The following PCNX2 variants were observed in gnomAD, a reference collection of about 807,000 sequenced individuals.
PCNX2 encodes pecanex 2.
In PCNX2, 168 loss-of-function variants were observed where a neutral mutation model predicts 223.8. The ratio of observed to expected loss-of-function variants is 0.75; its 90% CI spans 0.66 to 0.85. The LOEUF is 0.85. Among genes scored for constraint, PCNX2 ranks in the 40% least tolerant of loss-of-function variants. The pLI is 0.00. For synonymous variants in PCNX2, 1,006 were observed against 1,052.6 expected, an observed-to-expected ratio of 0.96 and a Z score of 0.86; for missense variants, 2,507 against 2,675.5, an observed-to-expected ratio of 0.94 and a Z score of 1.39.
At chr1:233,035,666 G>C (rs1671430026) in intron 25 of PCNX2, among the ~76,000 whole-genome samples, 1 of 152,180 alleles carries the variant, frequency 6.6e-6, no homozygotes, top group East Asian at 1.9e-4. Flanking sequence ...GGACTTATAG[G>C]CACAAACGTT....
Position 233,261,285 on chromosome 1 carries a change from C to G in PCNX2, c.517G>C (p.Gly173Arg). 6.2e-7 allele frequency: 1 copy of G among 1,608,996 alleles called. No homozygotes were observed. The highest frequency in any genetic ancestry group is 8.5e-7 in the Non-Finnish European group (1 of 1,175,808). Residue 173 changes from glycine to arginine, a missense_variant and splice_region_variant, in exon 4 of 34, where the codon GGT becomes CGT. By Grantham distance (125) the Gly-to-Arg change is moderately radical. Coordinates refer to ENST00000258229, the MANE Select transcript of PCNX2 (RefSeq NM_014801.4). Reference sequence around the variant, plus strand: ...AAAATATAAATGATTAACAGTTTACCTTTGAGATCTTCTACAGTTTCCTGT... The same window carrying G: ...AAAATATAAATGATTAACAGTTTACGTTTGAGATCTTCTACAGTTTCCTGT... ...SAQETVEDLK[G>R]VILLEDHPIA...
intron 32 of PCNX2, among the ~76,000 whole-genome samples, chr1:232,992,721 G>T (rs966775520): frequency 6.6e-6 from 1 of 152,194 alleles, no homozygotes; most frequent in East Asian, 1.9e-4. Flanking sequence ...ATCTTGAATT[G>T]TAATCCCCAT....
chr1:233,201,425 G>C (rs1681110398), intron 13 of PCNX2: 1 of 152,096 alleles, frequency 6.6e-6, no homozygotes, highest in South Asian at 2.1e-4. Flanking sequence ...TTCTTTTTCA[G>C]TTTCTATCAA....
At chr1:232,997,810 G>A (rs1669926164) in intron 32 of PCNX2, among the ~76,000 whole-genome samples, 1 of 152,176 alleles carries the variant, frequency 6.6e-6, no homozygotes, top group African/African-American at 2.4e-5. Flanking sequence ...AAGTCTAAGT[G>A]GAGGAAGGTG....
intron 15 of PCNX2, among the ~76,000 whole-genome samples, chr1:233,192,276 G>C (rs1379284254): frequency 6.6e-6 from 1 of 152,180 alleles, no homozygotes; most frequent in Non-Finnish European, 1.5e-5. Context: ...GTGAGTTTGC[G>C]GTAGCTGTGA....
chr1:233,200,323 T>G, intron 13 of PCNX2, 59 bp from the exon 14 acceptor site: 1 of 1,182,978 alleles, frequency 8.5e-7, no homozygotes, highest in South Asian at 1.4e-5. Context: ...CCAAGGCTCC[T>G]GCTGCAGTGC....
intron 10 of PCNX2, among the ~76,000 whole-genome samples, chr1:233,220,627 G>T (rs1657312441): frequency 6.6e-6 from 1 of 152,024 alleles, no homozygotes; most frequent in African/African-American, 2.4e-5. Flanking sequence ...TTTTCGGGTT[G>T]TTCCTTTTTC....
At chr1:233,285,302 C>T (rs1348547011) in intron 1 of PCNX2, among the ~76,000 whole-genome samples, 1 of 150,818 alleles carries the variant, frequency 6.6e-6, no homozygotes, top group African/African-American at 2.4e-5. Context: ...CAGTGAGTTA[C>T]AATTACGCCA....
At chr1:233,280,478 A>G (rs1477397046) in intron 1 of PCNX2, among the ~76,000 whole-genome samples, 2 of 151,858 alleles carry the variant, frequency 1.3e-5, no homozygotes, top group African/African-American at 4.8e-5. Flanking sequence ...TTGTTTTTTT[A>G]GTAAAGACGA....
At position 232,986,220 on chromosome 1, in the gene PCNX2, A is replaced by G; in HGVS notation, c.6112T>C (p.Phe2038Leu). The G allele has an allele frequency of 1.3e-6, 2 of 1,559,474 alleles. No individual in the cohort carries two copies. Among genetic ancestry groups the G allele is most frequent in the Non-Finnish European group, 1.7e-6 (2 of 1,151,376 alleles). ...CCGGAAATGACGAGCGCGCTGGAAA[A>G]GCTCCTCTTGCCGAAGAGGAAGCTC... ...TLSFLFGKRS[F>L]SSALVISGLS... The change falls in exon 33 of 34, where the codon TTT (phenylalanine) becomes CTT (leucine). Residue 2038 changes from phenylalanine (F) to leucine (L), a missense_variant. Phe to Leu is a conservative substitution (Grantham distance 22). Coordinates refer to ENST00000258229, the MANE Select transcript of PCNX2 (RefSeq NM_014801.4).
At chr1:233,266,648 A>C (rs1242769763) in intron 1 of PCNX2, among the ~76,000 whole-genome samples, 2 of 152,076 alleles carry the variant, frequency 1.3e-5, no homozygotes, top group African/African-American at 4.8e-5. Context: ...ATTGTTCCTA[A>C]ATTTTCCCCT....
chr1:233,002,912 C>T (rs1670139497), intron 28 of PCNX2, among the ~76,000 whole-genome samples: 1 of 152,154 alleles, frequency 6.6e-6, no homozygotes, highest in Admixed American at 6.5e-5. Context: ...GGAAAGGATT[C>T]CCTATTTAAT....
At chr1:233,034,641 A>G (rs918979204) in intron 25 of PCNX2, among the ~76,000 whole-genome samples, 15 of 152,252 alleles carry the variant, frequency 9.9e-5, no homozygotes, top group African/African-American at 3.4e-4. Context: ...ACACCTGCCA[A>G]GATGGAGGCA....
At chr1:233,053,346 T>A (rs56066339) in intron 25 of PCNX2, among the ~76,000 whole-genome samples, 17,338 of 151,946 alleles carry the variant, frequency 0.11, 1,094 homozygotes, top group East Asian at 0.25. Context: ...TTCCTCCTGC[T>A]CTCCTCTCCA....
chr1:233,153,175 C>G (rs1034450494), intron 19 of PCNX2, among the ~76,000 whole-genome samples: 4 of 152,204 alleles, frequency 2.6e-5, no homozygotes, highest in African/African-American at 9.7e-5. Flanking sequence ...ACACTACAAA[C>G]TATCTGAAGT....
chr1:233,065,517 G>A (rs547905090), intron 23 of PCNX2: 27 of 152,146 alleles, frequency 1.8e-4, no homozygotes, highest in African/African-American at 4.1e-4. Context: ...TTGGTACAAC[G>A]AAAACCCTGG....
the PCNX2 span, among the ~76,000 whole-genome samples, chr1:233,321,995 A>G: frequency 6.6e-6 from 1 of 152,188 alleles, no homozygotes; most frequent in Non-Finnish European, 1.5e-5. Context: ...AGAACTGCTG[A>G]GCTAAGATAA....
the PCNX2 span, among the ~76,000 whole-genome samples, chr1:233,320,970 C>T: frequency 9.9e-3 from 1,474 of 149,346 alleles, 10 homozygotes; most frequent in Non-Finnish European, 0.015. Flanking sequence ...TGGTTTTCCA[C>T]GGAATAAGAG....
At chr1:233,222,061 A>C (rs1657411066) in intron 10 of PCNX2, among the ~76,000 whole-genome samples, 1 of 152,214 alleles carries the variant, frequency 6.6e-6, no homozygotes. Context: ...ACATAAATGC[A>C]ACAGAAAAAA....
Sources: allele counts gnomAD v4.1 joint callset (sites outside exome capture counted in the v4.1 genomes callset), GRCh38; gene constraint gnomAD v4.1.1; transcripts MANE v1.5; gene names NCBI Gene and HGNC (gene_info 2026-07-23, HGNC 2026-07-21).